The following RBFOX3 variants were observed in gnomAD, a reference collection of about 807,000 sequenced individuals.
RBFOX3 encodes the protein RNA binding fox-1 homolog 3, also known as RNA binding protein fox-1 homolog 3.
In RBFOX3, 17 loss-of-function variants were observed where a neutral mutation model predicts 48.7. That is an observed-to-expected ratio of 0.35 (90% confidence interval 0.24 to 0.52). The LOEUF (loss-of-function observed/expected upper bound fraction) is 0.52. Among genes scored for constraint, RBFOX3 ranks in the 20% least tolerant of loss-of-function variants. The pLI, the probability that RBFOX3 is intolerant of heterozygous loss-of-function variation, is 0.94. For synonymous variants in RBFOX3, 212 were observed against 209.5 expected, an observed-to-expected ratio of 1.01 and a Z score of -0.10; for missense variants, 382 against 497.5, an observed-to-expected ratio of 0.77 and a Z score of 2.21.
intron 1 of RBFOX3, among the ~76,000 whole-genome samples, chr17:79,595,414 A>G (rs9330570): frequency 0.26 from 39,803 of 152,056 alleles, 6,272 homozygotes; most frequent in East Asian, 0.51. Context: ...CCAGATGAAG[A>G]CGAGACAGTG....
intron 1 of RBFOX3, among the ~76,000 whole-genome samples, chr17:79,604,374 C>G (rs1278284858): frequency 6.6e-6 from 1 of 152,018 alleles, no homozygotes; most frequent in Non-Finnish European, 1.5e-5. Context: ...TCGGGACATA[C>G]CGGTGTGTGC....
At chr17:79,309,860 G>T (rs555126547) in intron 2 of RBFOX3, among the ~76,000 whole-genome samples, 2 of 152,096 alleles carry the variant, frequency 1.3e-5, no homozygotes, top group Non-Finnish European at 2.9e-5. Context: ...TTCGCCTTCC[G>T]CCACGATTGT....
chr17:79,288,577 G>A (rs1323940038), intron 3 of RBFOX3, among the ~76,000 whole-genome samples: 1 of 151,620 alleles, frequency 6.6e-6, no homozygotes, highest in Non-Finnish European at 1.5e-5. Context: ...TCCTTACCAC[G>A]TCTCTCCCCA....
chr17:79,166,533 C>T (rs8067490), intron 4 of RBFOX3, among the ~76,000 whole-genome samples: 7,237 of 152,144 alleles, frequency 0.048, 316 homozygotes, highest in East Asian at 0.17. Context: ...GAGGGGGCTT[C>T]GGAAGGGTCC....
intron 1 of RBFOX3, among the ~76,000 whole-genome samples, chr17:79,556,852 A>G (rs1170140557): frequency 3.3e-5 from 5 of 152,170 alleles, no homozygotes; most frequent in African/African-American, 1.2e-4. Flanking sequence ...AGGACTCCTC[A>G]CTAGCAGGGG....
At chr17:79,288,103 A>G (rs1600432366) in intron 3 of RBFOX3, among the ~76,000 whole-genome samples, 1 of 151,712 alleles carries the variant, frequency 6.6e-6, no homozygotes, top group Non-Finnish European at 1.5e-5. Flanking sequence ...CCAAAATGCC[A>G]CCTTCTCAGT....
At chr17:79,428,158 G>C (rs147637268) in intron 2 of RBFOX3, among the ~76,000 whole-genome samples, 14 of 152,358 alleles carry the variant, frequency 9.2e-5, no homozygotes, top group African/African-American at 3.1e-4. Context: ...CTCTCTCTCT[G>C]TCCCTTGAAG....
intron 4 of RBFOX3, among the ~76,000 whole-genome samples, chr17:79,228,321 C>G (rs559729989): frequency 7.2e-5 from 11 of 152,266 alleles, no homozygotes; most frequent in African/African-American, 2.6e-4. Flanking sequence ...CTCTCTGCAC[C>G]GTGACGCCTC....
At chr17:79,568,878 C>A (rs1005949171) in intron 1 of RBFOX3, among the ~76,000 whole-genome samples, 1 of 152,080 alleles carries the variant, frequency 6.6e-6, no homozygotes, top group Non-Finnish European at 1.5e-5. Flanking sequence ...CCTGAGTCAG[C>A]GAGACCCCTG....
At chr17:79,506,960 C>T (rs1471117971) in intron 1 of RBFOX3, among the ~76,000 whole-genome samples, 1 of 152,180 alleles carries the variant, frequency 6.6e-6, no homozygotes, top group Non-Finnish European at 1.5e-5. Flanking sequence ...AGGATGGGTA[C>T]TCTGGGTTGT....
intron 4 of RBFOX3, among the ~76,000 whole-genome samples, chr17:79,161,131 G>A (rs1599740186): frequency 6.6e-6 from 1 of 152,176 alleles, no homozygotes; most frequent in Non-Finnish European, 1.5e-5. Flanking sequence ...TCTGTAGCAG[G>A]ACAGAAAACA....
At chr17:79,092,983 CT>C (rs1260518735) in intron 14 of RBFOX3, among the ~76,000 whole-genome samples, 25 of 152,160 alleles carry the variant, frequency 1.6e-4, no homozygotes, top group African/African-American at 5.8e-4. Flanking sequence ...TGAGCCCCAC[CT>C]CCTCGCACCC....
At chr17:79,518,495 G>A (rs1280800093) in intron 1 of RBFOX3, among the ~76,000 whole-genome samples, 2 of 152,254 alleles carry the variant, frequency 1.3e-5, no homozygotes, top group Middle Eastern at 3.2e-3. Flanking sequence ...CCCTGGGCTT[G>A]CTTAGGTGTC....
chr17:79,563,365 C>T (rs961925308), intron 1 of RBFOX3, among the ~76,000 whole-genome samples: 24 of 152,250 alleles, frequency 1.6e-4, no homozygotes, highest in Non-Finnish European at 5.9e-5. Context: ...TGAAACGCCT[C>T]GCTTCCGTCT....
intron 2 of RBFOX3, among the ~76,000 whole-genome samples, chr17:79,439,415 G>A (rs542806891): frequency 6.6e-6 from 1 of 152,208 alleles, no homozygotes; most frequent in African/African-American, 2.4e-5. Context: ...CCTCGCCTTT[G>A]CCCAGATGTC....
intron 1 of RBFOX3, among the ~76,000 whole-genome samples, chr17:79,536,216 A>G (rs571513364): frequency 6.6e-6 from 1 of 152,338 alleles, no homozygotes; most frequent in African/African-American, 2.4e-5. Context: ...AGCTGGGATT[A>G]CAGGTGTGCA....
intron 1 of RBFOX3, among the ~76,000 whole-genome samples, chr17:79,495,299 T>A: frequency 2.1e-5 from 1 of 47,162 alleles, no homozygotes; most frequent in Non-Finnish European, 3.8e-5. Flanking sequence ...GTGAACACCA[T>A]GGGGGAAGCA....
rs1382539421 is a variant in RBFOX3 at position 79,471,568 on chromosome 17, T to C, written c.-175+10886A>G. 6.6e-6 allele frequency among the ~76,000 whole-genome samples: 1 copy of C among 152,132 alleles called. No individual in the cohort carries two copies. The highest frequency in any genetic ancestry group is 1.9e-4 in the East Asian group (1 of 5,182). On this transcript the variant is annotated intron_variant, in intron 2 of 14. Transcript: ENST00000693108. The surrounding 1 kb of genome is among the most constrained non-coding windows in gnomAD (Gnocchi z 4.0). ...AGTACTGTGGGTACAGGCGTGAGCTTTCTCAGCTACAAAGAGCACGACATA... is the reference window on the plus strand; with the variant it reads ...AGTACTGTGGGTACAGGCGTGAGCTCTCTCAGCTACAAAGAGCACGACATA...
intron 4 of RBFOX3, among the ~76,000 whole-genome samples, chr17:79,145,448 C>T (rs1389360116): frequency 2.6e-5 from 4 of 152,210 alleles, no homozygotes; most frequent in Admixed American, 2.0e-4. Context: ...GAAGTCTGGC[C>T]ACAGGGACTT....
Sources: gnomAD v4.1 joint callset for allele counts (sites outside exome capture counted in the v4.1 genomes callset) on GRCh38, gnomAD v4.1.1 for gene constraint, Gnocchi (gnomAD v3.1) non-coding constraint, MANE v1.5 for transcripts, NCBI Gene and HGNC (gene_info 2026-07-23, HGNC 2026-07-21) for gene names.